DMGDH: variants seen among roughly 807,000 people sequenced by gnomAD.
DMGDH encodes dimethylglycine dehydrogenase, also known as dimethylglycine dehydrogenase, mitochondrial.
Under a neutral mutation model 95.2 loss-of-function variants are expected in DMGDH, and 76 were observed. That is an observed-to-expected ratio of 0.80 (90% CI 0.66 to 0.97). DMGDH has a LOEUF of 0.97. DMGDH is among the 50% of genes least tolerant of loss of function. The pLI, the probability that DMGDH is intolerant of heterozygous loss-of-function variation, is 0.00. For synonymous variants in DMGDH, 345 were observed against 377.6 expected (o/e 0.91, Z 1.00); for missense variants, 987 against 1,055.0 (o/e 0.94, Z 0.89).
chr5:79,012,235 C>A (rs971541148), intron 14 of DMGDH, among the ~76,000 whole-genome samples: 1 of 152,178 alleles, frequency 6.6e-6, no homozygotes, highest in Non-Finnish European at 1.5e-5. Context: ...CCACAGAAGT[C>A]AAAAACCCAG....
intron 14 of DMGDH, among the ~76,000 whole-genome samples, chr5:79,012,163 C>A (rs554218107): frequency 3.9e-5 from 6 of 152,160 alleles, no homozygotes; most frequent in Non-Finnish European, 7.4e-5. Flanking sequence ...GGGATACAAG[C>A]ACTGGGTAAA....
intron 14 of DMGDH, among the ~76,000 whole-genome samples, chr5:79,007,568 C>CT (rs1753574357): frequency 6.6e-6 from 1 of 152,086 alleles, no homozygotes; most frequent in Admixed American, 6.5e-5. Flanking sequence ...TTTCAGAGTT[C>CT]TTGTCTATGT....
intron 7 of DMGDH, among the ~76,000 whole-genome samples, chr5:79,035,309 G>A (rs1561218708): frequency 6.6e-6 from 1 of 152,108 alleles, no homozygotes; most frequent in Non-Finnish European, 1.5e-5. Flanking sequence ...GATAAGACTT[G>A]AAGGCTTATG....
intron 4 of DMGDH, among the ~76,000 whole-genome samples, chr5:79,051,882 G>GT (rs1455559746): frequency 4.6e-5 from 7 of 152,054 alleles, no homozygotes; most frequent in Non-Finnish European, 8.8e-5. Flanking sequence ...TATCTACTTT[G>GT]TTTTAGGCCT....
At chr5:79,003,947 AAAAT>A (rs562382857) in intron 15 of DMGDH, among the ~76,000 whole-genome samples, 1 of 150,898 alleles carries the variant, frequency 6.6e-6, no homozygotes. Flanking sequence ...GCTCTGTCTC[AAAAT>A]AAATAAATAA....
intron 1 of DMGDH, among the ~76,000 whole-genome samples, chr5:79,067,548 G>A: frequency 6.6e-6 from 1 of 152,048 alleles, no homozygotes; most frequent in South Asian, 2.1e-4. Flanking sequence ...TTTACACAAG[G>A]GTCTCAAAGT....
Position 79,039,487 on chromosome 5 carries a change from C to T in DMGDH, c.1193+2796G>A, listed in dbSNP as rs373581842. 1.3e-4 allele frequency among the ~76,000 whole-genome samples: 20 copies of T among 152,134 alleles called. 1 individual carries two copies. Among genetic ancestry groups the T allele is most frequent in the Admixed American group, 6.5e-4 (10 of 15,278 alleles). ...AAACCAAACACCACATATTCTCACTCGTAGGTCGGAATTGAACAATGAGAA... is the reference window on the plus strand; with the variant it reads ...AAACCAAACACCACATATTCTCACTTGTAGGTCGGAATTGAACAATGAGAA... On this transcript the variant is annotated intron_variant, in intron 7 of 15. Transcript: ENST00000255189.
chr5:79,029,819 C>A, intron 11 of DMGDH, 85 bp downstream of exon 11: 1 of 1,352,634 alleles, frequency 7.4e-7, no homozygotes, highest in Non-Finnish European at 1.0e-6. Context: ...GTTGTACTTT[C>A]GAGTACTGGT....
chr5:79,053,295 G>C (rs1754920750), intron 4 of DMGDH, among the ~76,000 whole-genome samples: 1 of 152,122 alleles, frequency 6.6e-6, no homozygotes, highest in African/African-American at 2.4e-5. Flanking sequence ...TAGGACTACA[G>C]ACGGAATCCT....
chr5:79,033,657 T>C (rs1376527225), intron 7 of DMGDH, among the ~76,000 whole-genome samples: 1 of 152,178 alleles, frequency 6.6e-6, no homozygotes, highest in Non-Finnish European at 1.5e-5. Context: ...AATAGCTCCT[T>C]ATTGGGCAGG....
chr5:79,063,496 G>C, intron 2 of DMGDH, 117 bp downstream of exon 2: 1 of 1,174,938 alleles, frequency 8.5e-7, no homozygotes, highest in Middle Eastern at 2.7e-4. Context: ...CACTTCCAAC[G>C]CTATTGAAGG....
chr5:79,069,402 AT>A (rs1017452453), intron 1 of DMGDH, 117 bp downstream of exon 1: 3 of 451,014 alleles, frequency 6.7e-6, no homozygotes, highest in Non-Finnish European at 1.1e-5. Flanking sequence ...TCGAGAAGAT[AT>A]ATCAAGGCCT....
intron 2 of DMGDH, among the ~76,000 whole-genome samples, chr5:79,063,047 G>T (rs6861362): frequency 6.6e-6 from 1 of 151,896 alleles, no homozygotes; most frequent in African/African-American, 2.4e-5. Context: ...AGCCGAGATC[G>T]CGCCATTGCA....
In DMGDH at chr5:79,004,381, G is replaced by A. The variant is rs374668487; in HGVS notation, c.2385+892C>T. On this transcript the variant is annotated intron_variant, in intron 15 of 15. Coordinates refer to ENST00000255189, the MANE Select transcript of DMGDH (RefSeq NM_013391.3). ...GTGTTACTGATGAGATAGAGAAAAT[G>A]GAAACAAATATCAAGTAGGCTGCAG... Among the ~76,000 whole-genome samples the A allele has an allele frequency of 3.7e-4, 56 of 152,278 alleles. 1 individual carries two copies. In the South Asian group the frequency reaches 0.011, roughly 31 times the overall value.
intron 6 of DMGDH, among the ~76,000 whole-genome samples, chr5:79,043,860 G>C (rs375005649): frequency 6.6e-6 from 1 of 152,186 alleles, no homozygotes; most frequent in African/African-American, 2.4e-5. Context: ...CAAAAACCCT[G>C]CTCTGTTATA....
At chr5:79,041,856 C>T (rs1364333926) in intron 7 of DMGDH, among the ~76,000 whole-genome samples, 2 of 152,094 alleles carry the variant, frequency 1.3e-5, no homozygotes, top group Non-Finnish European at 2.9e-5. Context: ...AAAAAATTAG[C>T]CGGCGTGATG....
Position 78,997,900 on chromosome 5 carries a change from A to T in DMGDH, c.*182T>A. ...TTTAAAAGAACAATGTAAATCATTTATCTATTATTCTGTCTTGCTTAGAAA... is the reference window on the plus strand; with the variant it reads ...TTTAAAAGAACAATGTAAATCATTTTTCTATTATTCTGTCTTGCTTAGAAA... On this transcript the variant is annotated 3_prime_UTR_variant, in exon 16 of 16. Coordinates refer to ENST00000255189, the MANE Select transcript of DMGDH (RefSeq NM_013391.3). The T allele has an allele frequency of 1.6e-6, 1 of 640,422 alleles. No homozygotes were observed. Among genetic ancestry groups the T allele is most frequent in the Non-Finnish European group, 2.7e-6 (1 of 371,092 alleles). The allele number at this position is 640,422 out of a possible 1,614,324, so 39.7% of individuals were successfully genotyped here.
Position 79,044,365 on chromosome 5 carries a change from T to C in DMGDH, c.933A>G (p.Pro311=), listed in dbSNP as rs1754604641. The change falls in exon 6 of 16, where the codon CCA becomes CCG. Residue 311 remains proline, a synonymous_variant. Coordinates refer to ENST00000255189, the MANE Select transcript of DMGDH (RefSeq NM_013391.3). ...CTTTCATTTTCTCTTGACTTTCATA[T>C]GGACCAAACAAAAGCCCATCCCTTT... is the stretch of plus-strand genomic sequence containing the variant. ...RQERDGLLFG[P]YESQEKMKVQ... 1.9e-6 allele frequency: 3 copies of C among 1,614,202 alleles called. No homozygotes were observed. Among genetic ancestry groups the C allele is most frequent in the Non-Finnish European group, 2.5e-6 (3 of 1,180,024 alleles).
At chr5:79,027,867 G>A (rs999102837) in intron 12 of DMGDH, among the ~76,000 whole-genome samples, 2 of 141,638 alleles carry the variant, frequency 1.4e-5, no homozygotes, top group Non-Finnish European at 3.0e-5. Flanking sequence ...TTGAGATGCA[G>A]TTTCACTCTT....
Sources: allele counts gnomAD v4.1 joint callset (sites outside exome capture counted in the v4.1 genomes callset), GRCh38; gene constraint gnomAD v4.1.1; transcripts MANE v1.5; gene names NCBI Gene and HGNC (gene_info 2026-07-23, HGNC 2026-07-21).